The following MAP2K4 variants were observed in gnomAD, a reference collection of about 807,000 sequenced individuals.
MAP2K4 encodes dual specificity mitogen-activated protein kinase kinase 4.
In MAP2K4, 4 loss-of-function variants were observed where a neutral mutation model predicts 48.5. That is an observed-to-expected ratio of 0.08 (90% CI 0.04 to 0.19). The LOEUF (loss-of-function observed/expected upper bound fraction) is 0.19. Among genes scored for constraint, MAP2K4 ranks in the 10% least tolerant of loss-of-function variants. The pLI, the probability that MAP2K4 is intolerant of heterozygous loss-of-function variation, is 1.00. For missense variants in MAP2K4, 258 were observed against 493.3 expected, an observed-to-expected ratio of 0.52 and a Z score of 4.52; for synonymous variants, 166 against 173.1, an observed-to-expected ratio of 0.96 and a Z score of 0.32.
At chr17:12,111,651 T>G (rs1972309325) in intron 6 of MAP2K4, among the ~76,000 whole-genome samples, 1 of 152,200 alleles carries the variant, frequency 6.6e-6, no homozygotes. Flanking sequence ...ACTTTTATTG[T>G]TCTCTTACTA....
chr17:12,132,676 G>A (rs753855304), intron 9 of MAP2K4, among the ~76,000 whole-genome samples: 13 of 152,002 alleles, frequency 8.6e-5, no homozygotes, highest in African/African-American at 2.4e-4. Context: ...GTGTCTGAGC[G>A]CTCAGCATTG....
At chr17:12,032,239 A>C in intron 1 of MAP2K4, 1 of 1,360,562 alleles carries the variant, frequency 7.3e-7, no homozygotes, top group Non-Finnish European at 9.7e-7. Flanking sequence ...ACAGTAAATG[A>C]ACTGGAACTT....
chr17:12,062,564 A>G (rs1375067181), intron 2 of MAP2K4, among the ~76,000 whole-genome samples: 1 of 152,122 alleles, frequency 6.6e-6, no homozygotes, highest in Non-Finnish European at 1.5e-5. Flanking sequence ...CTCGAACTCA[A>G]GCTATCTTCC....
At chr17:12,043,706 A>G (rs1303845466) in intron 1 of MAP2K4, among the ~76,000 whole-genome samples, 1 of 152,104 alleles carries the variant, frequency 6.6e-6, no homozygotes, top group Non-Finnish European at 1.5e-5. Flanking sequence ...TGTATAGGGC[A>G]AGGTATTGGG....
chr17:12,021,416 G>C (rs1186149619), intron 1 of MAP2K4: 1 of 152,112 alleles, frequency 6.6e-6, no homozygotes, highest in Non-Finnish European at 1.5e-5. Context: ...GGTCCCTGAC[G>C]CCGCTCAGGT....
At position 12,046,333 on chromosome 17, in the gene MAP2K4, G is replaced by A. The variant is rs1969962737; in HGVS notation, c.116-8556G>A. ...CATTGGAACATGGAATTGGGGTTCGGGGGGTTATTTCGGATAAGCTTTTTA... is the reference window on the plus strand; with the variant it reads ...CATTGGAACATGGAATTGGGGTTCGAGGGGTTATTTCGGATAAGCTTTTTA... On this transcript the variant is annotated intron_variant, in intron 1 of 10. Coordinates refer to ENST00000353533, the MANE Select transcript of MAP2K4 (RefSeq NM_003010.4). Among the ~76,000 whole-genome samples, 3 of 152,124 alleles carry A rather than the reference G, an allele frequency of 2.0e-5. No individual in the cohort carries two copies. The South Asian group carries it at 6.2e-4, about 32-fold the overall frequency.
At chr17:12,072,518 A>G (rs1032836828) in intron 2 of MAP2K4, among the ~76,000 whole-genome samples, 1 of 152,236 alleles carries the variant, frequency 6.6e-6, no homozygotes, top group Non-Finnish European at 1.5e-5. Flanking sequence ...TCATAGAAAG[A>G]TACAAATTCC....
At chr17:12,074,116 TTC>T (rs1294546177) in intron 2 of MAP2K4, among the ~76,000 whole-genome samples, 1 of 152,176 alleles carries the variant, frequency 6.6e-6, no homozygotes, top group Non-Finnish European at 1.5e-5. Context: ...TGGTTATTTT[TTC>T]TGTCTTCCAC....
intron 3 of MAP2K4, among the ~76,000 whole-genome samples, chr17:12,082,568 T>TA (rs1473820623): frequency 1.3e-5 from 2 of 152,234 alleles, no homozygotes; most frequent in African/African-American, 2.4e-5. Flanking sequence ...TAAATTAAAA[T>TA]AAAATGCTTT....
chr17:12,075,215 A>C (rs892750370), intron 2 of MAP2K4, among the ~76,000 whole-genome samples: 3 of 152,202 alleles, frequency 2.0e-5, no homozygotes, highest in Non-Finnish European at 2.9e-5. Flanking sequence ...AATCTCGAGG[A>C]GAGAACAGAC....
intron 9 of MAP2K4, among the ~76,000 whole-genome samples, chr17:12,135,327 G>A (rs112760846): frequency 0.014 from 2,160 of 152,138 alleles, 57 homozygotes; most frequent in African/African-American, 0.048. Flanking sequence ...CAGGTGATCC[G>A]CCTGCCTCGG....
At chr17:12,024,699 T>C (rs1453772350) in intron 1 of MAP2K4, among the ~76,000 whole-genome samples, 1 of 152,198 alleles carries the variant, frequency 6.6e-6, no homozygotes, top group Non-Finnish European at 1.5e-5. Context: ...AATTTGTTAA[T>C]GTAGATAGAT....
At chr17:12,103,395 C>T (rs757514038) in intron 4 of MAP2K4, among the ~76,000 whole-genome samples, 14 of 151,698 alleles carry the variant, frequency 9.2e-5, no homozygotes, top group African/African-American at 9.7e-5. Flanking sequence ...TTTTTTTTGA[C>T]GGGGAGCGGT....
intron 1 of MAP2K4, among the ~76,000 whole-genome samples, chr17:12,027,947 A>G (rs1034396404): frequency 6.6e-6 from 1 of 152,178 alleles, no homozygotes; most frequent in Non-Finnish European, 1.5e-5. Context: ...CGTTGCTCCC[A>G]TGAGGGAGAG....
At position 12,141,969 on chromosome 17, in the gene MAP2K4, C is replaced by A. The variant is rs1396920620; in HGVS notation, c.*709C>A. ...CAGAATGTGTTCTTTTCTCCTTTAC[C>A]AGTCCTATTTTTCAATGGGAAGACT... On this transcript the variant is annotated 3_prime_UTR_variant, in exon 11 of 11. Transcript: ENST00000353533. The A allele has an allele frequency of 4.3e-6, 1 of 232,954 alleles. No homozygotes were observed. The highest frequency in any genetic ancestry group is 2.2e-5 in the African/African-American group (1 of 45,194). 14.4% of individuals were successfully genotyped at this position (232,954 alleles called of 1,614,324 possible).
Position 12,143,580 on chromosome 17 carries a change from A to G in MAP2K4, c.*2320A>G, listed in dbSNP as rs1231285529. On this transcript the variant is annotated 3_prime_UTR_variant, in exon 11 of 11. Transcript: ENST00000353533. ...TCTGTAAAAAATGGAGCTCAGTAAC[A>G]TAACTGCTTCTTGGAGCTTTGGAAT... is the stretch of plus-strand genomic sequence containing the variant. 2 of 231,020 alleles carry G rather than the reference A, an allele frequency of 8.7e-6. No individual in the cohort carries two copies. Among genetic ancestry groups the G allele is most frequent in the Middle Eastern group, 1.3e-3 (1 of 770 alleles). The allele number at this position is 231,020 out of a possible 1,614,324, so 14.3% of individuals were successfully genotyped here.
intron 2 of MAP2K4, among the ~76,000 whole-genome samples, chr17:12,078,844 A>G (rs188314710): frequency 2.0e-5 from 3 of 152,264 alleles, no homozygotes; most frequent in Admixed American, 2.0e-4. Context: ...GTATCTGTGT[A>G]TAGTCCTGTG....
chr17:12,121,523 C>T (rs544384373), intron 7 of MAP2K4, among the ~76,000 whole-genome samples: 5 of 145,906 alleles, frequency 3.4e-5, no homozygotes, highest in Non-Finnish European at 5.9e-5. Flanking sequence ...TGCAGTGAGC[C>T]GAGATCGCGC....
At chr17:12,119,180 CAAAAG>C (rs1972595938) in intron 7 of MAP2K4, among the ~76,000 whole-genome samples, 1 of 152,058 alleles carries the variant, frequency 6.6e-6, no homozygotes, top group Non-Finnish European at 1.5e-5. Context: ...TTCTGCATAT[CAAAAG>C]AAACTATCAA....
Sources: gnomAD v4.1 joint callset for allele counts (sites outside exome capture counted in the v4.1 genomes callset) on GRCh38, gnomAD v4.1.1 for gene constraint, MANE v1.5 for transcripts, NCBI Gene and HGNC (gene_info 2026-07-23, HGNC 2026-07-21) for gene names.